The following FIGN variants were observed in gnomAD, a reference collection of about 807,000 sequenced individuals.
The protein encoded by FIGN is fidgetin, microtubule severing factor, also known as fidgetin.
FIGN carries 11 observed loss-of-function variants against 51.3 expected under a neutral mutation model. That is an observed-to-expected ratio of 0.21 (90% CI 0.13 to 0.35). FIGN has a LOEUF of 0.35. Among genes scored for constraint, FIGN ranks in the 10% least tolerant of loss-of-function variants. FIGN has a pLI of 1.00. For missense variants in FIGN, 857 were observed against 943.6 expected, an observed-to-expected ratio of 0.91 and a Z score of 1.20; for synonymous variants, 407 against 363.2, an observed-to-expected ratio of 1.12 and a Z score of -1.37.
rs373041263 is a variant in FIGN at position 163,611,239 on chromosome 2, T to C, written c.593A>G (p.Tyr198Cys). The C allele has an allele frequency of 5.6e-6, 9 of 1,614,104 alleles. No homozygotes were observed. Among genetic ancestry groups the C allele is most frequent in the Non-Finnish European group, 6.8e-6 (8 of 1,180,012 alleles). Residue 198 changes from tyrosine (Y) to cysteine (C), a missense_variant, in exon 3 of 3, where the codon TAT (tyrosine) becomes TGT (cysteine). Around this residue, in one of 3 missense-constraint regions of FIGN, gnomAD observed 799 missense variants for 849.5 expected, o/e 0.94. Coordinates refer to ENST00000333129, the MANE Select transcript of FIGN (RefSeq NM_018086.4). ...GYNGSYLHST[Y>C]SSQPAPALPS... ...AAGTGCAGGTGCTGGCTGGCTACTA[T>C]AAGTAGAATGCAAATATGATCCGTT...
At chr2:163,628,341 T>G (rs1335082041) in intron 2 of FIGN, among the ~76,000 whole-genome samples, 1 of 152,134 alleles carries the variant, frequency 6.6e-6, no homozygotes, top group Non-Finnish European at 1.5e-5. Flanking sequence ...TTCCTGCCCT[T>G]GACAAAAGTT....
intron 2 of FIGN, among the ~76,000 whole-genome samples, chr2:163,672,122 T>C (rs963979862): frequency 9.2e-5 from 14 of 152,098 alleles, no homozygotes; most frequent in Admixed American, 8.5e-4. Context: ...TTTCTCAAGA[T>C]CTATTGTGTT....
chr2:163,690,122 C>T (rs1684217434), intron 2 of FIGN, among the ~76,000 whole-genome samples: 1 of 152,110 alleles, frequency 6.6e-6, no homozygotes, highest in Admixed American at 6.5e-5. Context: ...GAACAGTTAC[C>T]AATGATTCAA....
chr2:163,706,720 T>C (rs1684504857), intron 2 of FIGN, among the ~76,000 whole-genome samples: 1 of 152,178 alleles, frequency 6.6e-6, no homozygotes, highest in South Asian at 2.1e-4. Context: ...GCATGCACCC[T>C]AAAACCCAAT....
intron 2 of FIGN, among the ~76,000 whole-genome samples, chr2:163,723,716 G>T (rs995426378): frequency 6.6e-6 from 1 of 152,156 alleles, no homozygotes; most frequent in Non-Finnish European, 1.5e-5. Context: ...AGGATTTGAG[G>T]TTTCTAACTC....
intron 2 of FIGN, among the ~76,000 whole-genome samples, chr2:163,726,591 GATACA>G (rs1684841010): frequency 6.6e-6 from 1 of 151,874 alleles, no homozygotes; most frequent in Non-Finnish European, 1.5e-5. Flanking sequence ...TCCAGGAAAG[GATACA>G]TTTTCTAACT....
At chr2:163,629,369 A>G (rs572509103) in intron 2 of FIGN, among the ~76,000 whole-genome samples, 1 of 152,278 alleles carries the variant, frequency 6.6e-6, no homozygotes, top group East Asian at 1.9e-4. Flanking sequence ...TGGGAGAGCA[A>G]TATCAATGCA....
intron 2 of FIGN, chr2:163,617,127 G>C: frequency 1.0e-6 from 1 of 985,198 alleles, no homozygotes; most frequent in Non-Finnish European, 1.2e-6. Context: ...ATTTGATCTG[G>C]AAATTTCTTC....
chr2:163,646,751 C>T (rs1683389016), intron 2 of FIGN, among the ~76,000 whole-genome samples: 1 of 152,172 alleles, frequency 6.6e-6, no homozygotes, highest in South Asian at 2.1e-4. Context: ...GTTGACAATA[C>T]ATTGATCTCA....
intron 2 of FIGN, among the ~76,000 whole-genome samples, chr2:163,729,504 A>T (rs1171529847): frequency 1.3e-5 from 2 of 152,122 alleles, no homozygotes; most frequent in Non-Finnish European, 2.9e-5. Flanking sequence ...GTTTGGTTAA[A>T]AGCTCCTCTT....
intron 2 of FIGN, among the ~76,000 whole-genome samples, chr2:163,668,257 T>C (rs1211386767): frequency 6.6e-6 from 1 of 151,924 alleles, no homozygotes; most frequent in African/African-American, 2.4e-5. Context: ...AGGGAGAGCA[T>C]GTAGATTAAA....
chr2:163,732,776 A>C (rs1684951596), intron 2 of FIGN, among the ~76,000 whole-genome samples: 1 of 152,226 alleles, frequency 6.6e-6, no homozygotes, highest in Non-Finnish European at 1.5e-5. Context: ...AAAACATCAA[A>C]GCAGCTTCCA....
intron 2 of FIGN, among the ~76,000 whole-genome samples, chr2:163,658,227 T>C (rs1339410972): frequency 3.3e-5 from 5 of 152,060 alleles, no homozygotes; most frequent in Non-Finnish European, 7.4e-5. Flanking sequence ...CAGGCCTGTC[T>C]GTGGGATGTC....
At position 163,604,815 on chromosome 2, in the gene FIGN, A is replaced by T. The variant is rs1212420983; in HGVS notation, c.*4737T>A. ...GAGAGTTAGAGACAGAGAGAGAGAG[A>T]GAGAGAGAGAAGAGAGAGGAAGAGG... On this transcript the variant is annotated 3_prime_UTR_variant, in exon 3 of 3. Coordinates refer to ENST00000333129, the MANE Select transcript of FIGN (RefSeq NM_018086.4). 2 of 150,900 alleles carry T rather than the reference A, an allele frequency of 1.3e-5. No individual in the cohort carries two copies. The highest frequency in any genetic ancestry group is 3.0e-5 in the Non-Finnish European group (2 of 67,728). The allele number at this position is 150,900 out of a possible 1,614,324, so 9.3% of individuals were successfully genotyped here.
rs1002614011 is a variant in FIGN at position 163,606,101 on chromosome 2, C to T, written c.*3451G>A. On this transcript the variant is annotated 3_prime_UTR_variant, in exon 3 of 3. Transcript: ENST00000333129. ...CAAATGCACAAGAAAACATTATACC[C>T]GTCTATCTGCATTTGAGTAGAATAC... 20 of 151,886 alleles carry T rather than the reference C, an allele frequency of 1.3e-4. No homozygotes were observed. The highest frequency in any genetic ancestry group is 4.4e-4 in the African/African-American group (18 of 41,350). The allele number at this position is 151,886 out of a possible 1,614,324, so 9.4% of individuals were successfully genotyped here.
Position 163,719,675 on chromosome 2 carries a change from TG to T in FIGN, c.25+15227del, listed in dbSNP as rs200746661. Among the ~76,000 whole-genome samples, 1,445 of 152,280 alleles carry T rather than the reference TG, an allele frequency of 9.5e-3. 23 individuals are homozygous for T. The highest frequency in any genetic ancestry group is 0.033 in the African/African-American group (1,353 of 41,560). ...TTTCTAGTAAGAAGAAGAAAACCTGTGGGGTAGTGATGCAAAGAAAAACTAG... is the reference window on the plus strand; with the variant it reads ...TTTCTAGTAAGAAGAAGAAAACCTGTGGGTAGTGATGCAAAGAAAAACTAG... On this transcript the variant is annotated intron_variant, in intron 2 of 2. Transcript: ENST00000333129.
In FIGN at chr2:163,602,884, A is replaced by G. The variant is rs917467078; in HGVS notation, c.*6668T>C. ...ACTGAGCACTGAATTTTTTTTTAAT[A>G]TATTACAGTGCCAACACCCAAGAAA... On this transcript the variant is annotated 3_prime_UTR_variant, in exon 3 of 3. Transcript: ENST00000333129. 6.6e-6 allele frequency: 1 copy of G among 152,034 alleles called. No homozygotes were observed. Among genetic ancestry groups the G allele is most frequent in the African/African-American group, 2.4e-5 (1 of 41,414 alleles). 9.4% of individuals were successfully genotyped at this position (152,034 alleles called of 1,614,324 possible). A position where few individuals can be genotyped will look rare whatever the true frequency, so the allele number is the denominator to read the frequency against.
intron 2 of FIGN, among the ~76,000 whole-genome samples, chr2:163,661,545 C>T (rs1158017982): frequency 3.3e-5 from 5 of 152,032 alleles, no homozygotes; most frequent in South Asian, 2.1e-4. Context: ...TAGAAGCACC[C>T]GCCACCTTGC....
chr2:163,636,750 T>C (rs1683231645), intron 2 of FIGN, among the ~76,000 whole-genome samples: 2 of 152,122 alleles, frequency 1.3e-5, no homozygotes, highest in South Asian at 4.1e-4. Context: ...AGAGGAAAAC[T>C]AACTGTAATA....
Sources: allele counts gnomAD v4.1 joint callset (sites outside exome capture counted in the v4.1 genomes callset), GRCh38; gene constraint gnomAD v4.1.1; regional missense constraint gnomAD v4.1.1; transcripts MANE v1.5; gene names NCBI Gene and HGNC (gene_info 2026-07-23, HGNC 2026-07-21).